The following CHN1 variants were observed in gnomAD, a reference collection of about 807,000 sequenced individuals.
CHN1 encodes the protein N-chimaerin.
Under a neutral mutation model 59.5 loss-of-function variants are expected in CHN1, and 37 were observed. The observed-to-expected ratio is 0.62, with a 90% CI of 0.48 to 0.82. The LOEUF (loss-of-function observed/expected upper bound fraction) is 0.82. CHN1 is among the 40% of genes least tolerant of loss of function. CHN1 has a pLI of 0.00. For missense variants in CHN1, 469 were observed against 571.0 expected (o/e 0.82, Z 1.82); for synonymous variants, 206 against 200.4 (o/e 1.03, Z -0.24).
intron 1 of CHN1, among the ~76,000 whole-genome samples, chr2:174,994,678 A>G (rs1691649289): frequency 2.6e-5 from 4 of 152,216 alleles, no homozygotes; most frequent in Admixed American, 2.6e-4. Flanking sequence ...ATTCAAGCTG[A>G]GTTTTGCAAG....
chr2:174,858,012 A>G (rs1023900050), intron 6 of CHN1, among the ~76,000 whole-genome samples: 1 of 152,146 alleles, frequency 6.6e-6, no homozygotes, highest in African/African-American at 2.4e-5. Context: ...TTAAACTGCT[A>G]TATGAGGTTA....
In CHN1 at chr2:174,961,593, A is replaced by G. The variant is rs150618368; in HGVS notation, c.20-9391T>C. Among the ~76,000 whole-genome samples the G allele has an allele frequency of 6.4e-3, 971 of 152,072 alleles. 15 individuals carry two copies. The highest frequency in any genetic ancestry group is 0.022 in the African/African-American group (925 of 41,514). ...GCAAAAAGAGTGAAACTCCGTCTCA[A>G]AAATAAATAAATAAATAAAAATAAA... On this transcript the variant is annotated intron_variant, in intron 1 of 12. Transcript: ENST00000409900.
intron 1 of CHN1, among the ~76,000 whole-genome samples, chr2:174,981,793 G>T (rs562867196): frequency 6.6e-6 from 1 of 151,906 alleles, no homozygotes; most frequent in African/African-American, 2.4e-5. Flanking sequence ...AAATACACAC[G>T]AATTTTTTTT....
intron 1 of CHN1, among the ~76,000 whole-genome samples, chr2:175,002,909 A>C (rs1379937594): frequency 1.3e-5 from 2 of 152,202 alleles, no homozygotes; most frequent in Non-Finnish European, 1.5e-5. Context: ...CTAAAATAAA[A>C]TCCATTTCTT....
intron 7 of CHN1, among the ~76,000 whole-genome samples, chr2:174,826,254 A>G (rs1558940481): frequency 6.6e-6 from 1 of 152,222 alleles, no homozygotes; most frequent in Non-Finnish European, 1.5e-5. Flanking sequence ...GCTGAAGTAG[A>G]GCCCAAGATC....
chr2:174,847,445 C>A (rs759008466), intron 6 of CHN1: 5 of 1,192,988 alleles, frequency 4.2e-6, no homozygotes, highest in Non-Finnish European at 5.2e-6. Flanking sequence ...CTCTCTTTAT[C>A]ATTTTTTAAA....
chr2:174,905,273 GTTC>G (rs1427908617), intron 5 of CHN1, among the ~76,000 whole-genome samples: 5 of 152,112 alleles, frequency 3.3e-5, no homozygotes, highest in African/African-American at 1.2e-4. Flanking sequence ...TGAGATTCTA[GTTC>G]TTCTTTGCAA....
At chr2:174,929,668 C>A (rs1237015126) in intron 3 of CHN1, among the ~76,000 whole-genome samples, 1 of 152,062 alleles carries the variant, frequency 6.6e-6, no homozygotes, top group East Asian at 1.9e-4. Flanking sequence ...TTCAAAAAAT[C>A]AGACTGCATT....
At chr2:174,836,340 TC>T (rs1686076856) in intron 7 of CHN1, among the ~76,000 whole-genome samples, 1 of 152,246 alleles carries the variant, frequency 6.6e-6, no homozygotes, top group Admixed American at 6.5e-5. Flanking sequence ...ATGTAGTTCT[TC>T]CATCATGACC....
At chr2:174,883,326 A>T (rs1289635932) in intron 5 of CHN1, among the ~76,000 whole-genome samples, 2 of 152,352 alleles carry the variant, frequency 1.3e-5, no homozygotes, top group South Asian at 4.1e-4. Context: ...ATACAAGCAG[A>T]GGTATCATCT....
In CHN1 at chr2:174,847,369, TA is replaced by T. The variant is rs1479935373; in HGVS notation, c.550-413del. ...TTAAAGGGATCTATATTCTAGCTTC[TA>T]AAAACTTGAGTCTGAACAGAAATAA... On this transcript the variant is annotated intron_variant, in intron 6 of 12. Coordinates refer to ENST00000409900, the MANE Select transcript of CHN1 (RefSeq NM_001822.7). 2.4e-6 allele frequency: 3 copies of T among 1,258,336 alleles called. No individual in the cohort carries two copies. The African/African-American group carries it at 4.6e-5, about 19-fold the overall frequency. The allele number at this position is 1,258,336 out of a possible 1,614,324, so 77.9% of individuals were successfully genotyped here. A position where few individuals can be genotyped will look rare whatever the true frequency, so the allele number is the denominator to read the frequency against.
At chr2:174,988,646 G>A (rs1338707261) in intron 1 of CHN1, among the ~76,000 whole-genome samples, 1 of 152,170 alleles carries the variant, frequency 6.6e-6, no homozygotes, top group Admixed American at 6.5e-5. Flanking sequence ...TAATATGGCA[G>A]TGGAAAATAA....
chr2:174,874,733 T>C (rs1048615468), intron 6 of CHN1, among the ~76,000 whole-genome samples: 2 of 152,150 alleles, frequency 1.3e-5, no homozygotes, highest in African/African-American at 4.8e-5. Flanking sequence ...AACATTATTT[T>C]TCAAAAATGT....
intron 6 of CHN1, among the ~76,000 whole-genome samples, chr2:174,857,692 C>G (rs546486257): frequency 1.3e-5 from 2 of 152,220 alleles, no homozygotes; most frequent in East Asian, 3.9e-4. Flanking sequence ...CCCCCCAACC[C>G]CCATGAATCT....
chr2:174,816,604 A>G (rs1295513234), intron 8 of CHN1, among the ~76,000 whole-genome samples: 1 of 152,032 alleles, frequency 6.6e-6, no homozygotes, highest in Non-Finnish European at 1.5e-5. Context: ...ATAATATTGG[A>G]GGTTAAAACA....
intron 5 of CHN1, among the ~76,000 whole-genome samples, chr2:174,878,677 C>T (rs976993067): frequency 6.6e-6 from 1 of 152,246 alleles, no homozygotes; most frequent in Non-Finnish European, 1.5e-5. Flanking sequence ...GGCACAGAAA[C>T]ACACTTTCGC....
intron 8 of CHN1, among the ~76,000 whole-genome samples, chr2:174,819,878 T>C (rs1046368166): frequency 2.9e-5 from 4 of 138,570 alleles, no homozygotes; most frequent in African/African-American, 8.1e-5. Flanking sequence ...TGTGTTCTCA[T>C]TGTTCAATTC....
chr2:174,834,350 C>G (rs1256823192), intron 7 of CHN1, among the ~76,000 whole-genome samples: 1 of 152,148 alleles, frequency 6.6e-6, no homozygotes, highest in Non-Finnish European at 1.5e-5. Flanking sequence ...CTTACTATTA[C>G]TTCTAGTGTT....
chr2:174,977,219 A>G (rs546195661), intron 1 of CHN1, among the ~76,000 whole-genome samples: 1 of 152,248 alleles, frequency 6.6e-6, no homozygotes, highest in East Asian at 1.9e-4. Context: ...AAATTAGTGG[A>G]CATGGCTTTC....
Sources: allele counts gnomAD v4.1 joint callset (sites outside exome capture counted in the v4.1 genomes callset), GRCh38; gene constraint gnomAD v4.1.1; transcripts MANE v1.5; gene names NCBI Gene and HGNC (gene_info 2026-07-23, HGNC 2026-07-21).